HP: variants seen among roughly 807,000 people sequenced by gnomAD.
The protein encoded by HP is haptoglobin.
In HP, 9 loss-of-function variants were observed where a neutral mutation model predicts 23.2. That is an observed-to-expected ratio of 0.39 (90% CI 0.23 to 0.68). The LOEUF (loss-of-function observed/expected upper bound fraction) is 0.68, where lower values mean the gene tolerates loss of function less well. Ranked by LOEUF, HP falls within the 30% of genes least tolerant of loss-of-function variation. The pLI is 0.47. For missense variants in HP, 433 were observed against 483.6 expected (o/e 0.90, Z 0.98); for synonymous variants, 155 against 183.3 (o/e 0.85, Z 1.25).
chr16:72,056,181 C>A lies in HP; in HGVS notation c.26C>A (p.Ala9Asp), dbSNP rs1567583217. The change falls in exon 2 of 7, where the codon GCC (alanine) becomes GAC (aspartate). Residue 9 changes from alanine to aspartate, a missense_variant. Physicochemically the swap from Ala to Asp is moderately radical, Grantham distance 126. Around this residue, in one of 3 missense-constraint regions of HP, gnomAD observed 71 missense variants for 54.2 expected, o/e 1.31. Transcript: ENST00000355906. Reference protein sequence around the residue: MSALGAVIALLLWGQLFAV... With the variant: MSALGAVIDLLLWGQLFAV... ...TGCAGTGCCCTGGGAGCTGTCATTG[C>A]CCTCCTGCTCTGGGGACAGCTTTTT... 2 of 1,613,808 alleles carry A rather than the reference C, an allele frequency of 1.2e-6. No individual in the cohort carries two copies. Among genetic ancestry groups the A allele is most frequent in the Non-Finnish European group, 1.7e-6 (2 of 1,179,944 alleles).
intron 2 of HP, 118 bp downstream of exon 2, chr16:72,056,361 A>G: frequency 1.3e-6 from 2 of 1,563,076 alleles, no homozygotes. Context: ...CAGGACCATA[A>G]AGAACATTGG....
At position 72,057,556 on chromosome 16, in the gene HP, T is replaced by G. The variant is rs1181916354; in HGVS notation, c.265+90T>G. The G allele has an allele frequency of 1.7e-5, 9 of 538,462 alleles. 3 individuals carry two copies. In the East Asian group the frequency reaches 2.9e-4, roughly 17 times the overall value. 33.4% of individuals were successfully genotyped at this position (538,462 alleles called of 1,614,324 possible). A position where few individuals can be genotyped will look rare whatever the true frequency, so the allele number is the denominator to read the frequency against. ...CACAGCCTTCCAGTGCGGCTTCCTCTGAGCACACAAGAGCCAGGAGGAGGG... is the reference window on the plus strand; with the variant it reads ...CACAGCCTTCCAGTGCGGCTTCCTCGGAGCACACAAGAGCCAGGAGGAGGG... On this transcript the variant is annotated intron_variant, in intron 4 of 6. Transcript: ENST00000355906.
chr16:72,059,171 T>C lies in HP; in HGVS notation c.425T>C (p.Leu142Pro). Reference protein sequence around the residue: ...QWINKAVGDKLPECEAVCGKP... With the variant: ...QWINKAVGDKPPECEAVCGKP... ...ATAAATAAGGCTGTTGGAGATAAACTTCCTGAATGTGAAGCAGGTGGGTGC... is the reference window on the plus strand; with the variant it reads ...ATAAATAAGGCTGTTGGAGATAAACCTCCTGAATGTGAAGCAGGTGGGTGC... Residue 142 changes from leucine (L) to proline (P), a missense_variant, in exon 6 of 7, where the codon CTT (leucine) becomes CCT (proline). Physicochemically the swap from Leu to Pro is moderately conservative, Grantham distance 98 (BLOSUM62 -3). Around this residue, in one of 3 missense-constraint regions of HP, gnomAD observed 326 missense variants for 358.1 expected, o/e 0.91. Transcript: ENST00000355906. 2.6e-6 allele frequency: 4 copies of C among 1,565,290 alleles called. 1 individual carries two copies. The highest frequency in any genetic ancestry group is 3.5e-6 in the Non-Finnish European group (4 of 1,148,966).
Position 72,060,881 on chromosome 16 carries a change from T to C in HP, c.1212T>C (p.Ala404=). 6.3e-7 allele frequency: 1 copy of C among 1,581,088 alleles called. No homozygotes were observed. Among genetic ancestry groups the C allele is most frequent in the Non-Finnish European group, 8.6e-7 (1 of 1,164,232 alleles). The change falls in exon 7 of 7, where the codon GCT becomes GCC. Residue 404 remains alanine (A), a synonymous_variant. Coordinates refer to ENST00000355906, the MANE Select transcript of HP (RefSeq NM_005143.5). ...AGGACTGGGTTCAGAAGACCATAGCTGAGAACTAATGCAAGGCTGGCCGGA... is the reference window on the plus strand; with the variant it reads ...AGGACTGGGTTCAGAAGACCATAGCCGAGAACTAATGCAAGGCTGGCCGGA... ...SIQDWVQKTI[A]EN
chr16:72,055,638 G>C (rs556130513), intron 1 of HP: 1 of 180,056 alleles, frequency 5.6e-6, no homozygotes, highest in Non-Finnish European at 1.2e-5. Context: ...TAAAATACTA[G>C]AAATACCCAC....
Position 72,056,537 on chromosome 16 carries a change from C to T in HP, c.96C>T (p.Gly32=). 4 of 1,508,122 alleles carry T rather than the reference C, an allele frequency of 2.7e-6. No individual in the cohort carries two copies. Among genetic ancestry groups the T allele is most frequent in the Non-Finnish European group, 3.6e-6 (4 of 1,117,540 alleles). The allele number at this position is 1,508,122 out of a possible 1,614,324, so 93.4% of individuals were successfully genotyped here. A position where few individuals can be genotyped will look rare whatever the true frequency, so the allele number is the denominator to read the frequency against. ...GCTTCTCTCTCTTTGCAGATGACGG[C>T]TGCCCGAAGCCCCCCGAGATTGCAC... ...GNDVTDIADD[G]CPKPPEIAHG... is the part of the protein sequence containing the mutation. Residue 32 remains glycine, a synonymous_variant, in exon 3 of 7, where the codon GGC becomes GGT. Coordinates refer to ENST00000355906, the MANE Select transcript of HP (RefSeq NM_005143.5).
In HP at chr16:72,056,408, T is replaced by C. The variant is rs2041463712; in HGVS notation, c.89-122T>C. On this transcript the variant is annotated intron_variant, in intron 2 of 6. Transcript: ENST00000355906. ...GAAATGAGGGGAGCTTGCCTTTCCA[T>C]TGGCTTCTATTCGGGGTGGAAGGAG... The C allele has an allele frequency of 2.5e-6, 4 of 1,580,560 alleles. No individual in the cohort carries two copies. The South Asian group carries it at 3.4e-5, about 13-fold the overall frequency.
At chr16:72,055,076 T>C (rs979780317) in intron 1 of HP, 13 of 260,680 alleles carry the variant, frequency 5.0e-5, no homozygotes, top group African/African-American at 2.9e-4. Context: ...CTGGGATACA[T>C]CTAATTAAGG....
chr16:72,054,647 A>T lies in HP; in HGVS notation c.-6A>T, dbSNP rs1238876267. 6.2e-6 allele frequency: 10 copies of T among 1,611,698 alleles called. No homozygotes were observed. The South Asian group carries it at 1.1e-4, about 18-fold the overall frequency. On this transcript the variant is annotated 5_prime_UTR_variant, in exon 1 of 7. Coordinates refer to ENST00000355906, the MANE Select transcript of HP (RefSeq NM_005143.5). ...CACTGCTCTTCCAGAGGCAAGACCA[A>T]CCAAGATGAGGTGGGTCCACAGCTT...
rs374628695 is a variant in HP, at chr16:72,060,076, C to T, written c.443-36C>T. ...TTTCTCAGATGGAAAGGCTCTTGCA[C>T]ATTTCCACTCACGAGTGTCTTGCTC... On this transcript the variant is annotated intron_variant, in intron 6 of 6. Coordinates refer to ENST00000355906, the MANE Select transcript of HP (RefSeq NM_005143.5). 1.7e-5 allele frequency: 28 copies of T among 1,604,202 alleles called. 1 individual carries two copies. In the African/African-American group the frequency reaches 2.8e-4, roughly 16 times the overall value.
rs2041520923 is a variant in HP, at chr16:72,060,244, T to C, written c.575T>C (p.Ile192Thr). 7.4e-6 allele frequency: 12 copies of C among 1,614,046 alleles called. No homozygotes were observed. Among genetic ancestry groups the C allele is most frequent in the Non-Finnish European group, 9.3e-6 (11 of 1,180,054 alleles). ...HHNLTTGATL[I>T]NEQWLLTTAK... ...AATCTCACCACAGGTGCCACGCTGATCAATGAACAATGGCTGCTGACCACG... is the reference window on the plus strand; with the variant it reads ...AATCTCACCACAGGTGCCACGCTGACCAATGAACAATGGCTGCTGACCACG... Residue 192 changes from isoleucine (I) to threonine (T), a missense_variant, in exon 7 of 7, where the codon ATC becomes ACC. Physicochemically the swap from Ile to Thr is moderately conservative, Grantham distance 89. Around this residue, in one of 3 missense-constraint regions of HP, gnomAD observed 326 missense variants for 358.1 expected, o/e 0.91. Coordinates refer to ENST00000355906, the MANE Select transcript of HP (RefSeq NM_005143.5).
chr16:72,056,238 T>C lies in HP; in HGVS notation c.83T>C (p.Ile28Thr), dbSNP rs768495793. The change falls in exon 2 of 7, where the codon ATC becomes ACC. Residue 28 changes from isoleucine to threonine, a missense_variant. This residue lies in a region of HP where 71 missense variants were observed against 54.2 expected (regional missense o/e 1.31). Transcript: ENST00000355906. ...GACTCAGGCAATGATGTCACGGATA[T>C]CGCAGGTCAGTCTTTGGTTGGGTAG... ...AVDSGNDVTD[I>T]ADDGCPKPPE... The C allele has an allele frequency of 4.3e-6, 7 of 1,614,014 alleles. No homozygotes were observed. Among genetic ancestry groups the C allele is most frequent in the Non-Finnish European group, 5.9e-6 (7 of 1,179,938 alleles).
chr16:72,059,906 A>T, intron 6 of HP: 1 of 1,241,972 alleles, frequency 8.1e-7, no homozygotes, highest in Non-Finnish European at 1.1e-6. Context: ...AGTGGGAAAT[A>T]GAGCTTTTTG....
rs1273784452 is a variant in HP at position 72,060,217 on chromosome 16, A to G, written c.548A>G (p.His183Arg). ...TGGCAGGCTAAGATGGTTTCCCACC[A>G]TAATCTCACCACAGGTGCCACGCTG... ...FPWQAKMVSHHNLTTGATLIN... is the reference protein window; with the variant it reads ...FPWQAKMVSHRNLTTGATLIN... The change falls in exon 7 of 7, where the codon CAT (histidine) becomes CGT (arginine). Residue 183 changes from histidine to arginine, a missense_variant. By Grantham distance (29) the His-to-Arg change is conservative. This residue lies in a region of HP where 326 missense variants were observed against 358.1 expected (regional missense o/e 0.91). Coordinates refer to ENST00000355906, the MANE Select transcript of HP (RefSeq NM_005143.5). 1 of 1,614,206 alleles carries G rather than the reference A, an allele frequency of 6.2e-7. No homozygotes were observed. The highest frequency in any genetic ancestry group is 8.5e-7 in the Non-Finnish European group (1 of 1,180,052).
At position 72,060,914 on chromosome 16, in the gene HP, G is replaced by A; in HGVS notation, c.*24G>A. The A allele has an allele frequency of 6.5e-7, 1 of 1,542,858 alleles. No individual in the cohort carries two copies. The highest frequency in any genetic ancestry group is 1.4e-5 in the African/African-American group (1 of 72,798). On this transcript the variant is annotated 3_prime_UTR_variant, in exon 7 of 7. Transcript: ENST00000355906. ...AATGCAAGGCTGGCCGGAAGCCCTT[G>A]CCTGAAAGCAAGATTTCAGCCTGGA...
At position 72,059,096 on chromosome 16, in the gene HP, T is replaced by C; in HGVS notation, c.368-18T>C. The C allele has an allele frequency of 6.4e-7, 1 of 1,563,088 alleles. No individual in the cohort carries two copies. Among genetic ancestry groups the C allele is most frequent in the Non-Finnish European group, 8.7e-7 (1 of 1,146,730 alleles). On this transcript the variant is annotated intron_variant, in intron 5 of 6. Transcript: ENST00000355906. ...GACTTGACTTCTCCTTTGGCTCACT[T>C]CTTGCCTTTTGTTTCAGGAGTGTAC...
intron 4 of HP, chr16:72,057,871 T>G (rs1337633347): frequency 8.9e-6 from 3 of 337,922 alleles, no homozygotes; most frequent in Non-Finnish European, 1.1e-5. Context: ...TTCTCGTTAT[T>G]AGGAGGAGCT....
chr16:72,060,632 G>A lies in HP; in HGVS notation c.963G>A (p.Lys321=). 1 of 1,614,202 alleles carries A rather than the reference G, an allele frequency of 6.2e-7. No homozygotes were observed. The highest frequency in any genetic ancestry group is 8.5e-7 in the Non-Finnish European group (1 of 1,180,044). The change falls in exon 7 of 7, where the codon AAG becomes AAA. Residue 321 remains lysine (K), a synonymous_variant. Transcript: ENST00000355906. ...ATGAAGGCAGCACAGTCCCCGAAAA[G>A]AAGACACCGAAGAGCCCTGTAGGGG... ...RHYEGSTVPE[K]KTPKSPVGVQ...
chr16:72,056,197 A>T lies in HP; in HGVS notation c.42A>T (p.Gly14=), dbSNP rs765539753. 5.0e-6 allele frequency: 8 copies of T among 1,613,742 alleles called. No homozygotes were observed. In the South Asian group the frequency reaches 7.7e-5, roughly 16 times the overall value. Residue 14 remains glycine (G), a synonymous_variant, in exon 2 of 7, where the codon GGA becomes GGT. Coordinates refer to ENST00000355906, the MANE Select transcript of HP (RefSeq NM_005143.5). ...LGAVIALLLW[G]QLFAVDSGND... is the part of the protein sequence containing the mutation. ...CTGTCATTGCCCTCCTGCTCTGGGG[A>T]CAGCTTTTTGCAGTGGACTCAGGCA...
Sources: gnomAD v4.1 joint callset for allele counts on GRCh38, gnomAD v4.1.1 for gene constraint, gnomAD v4.1.1 regional missense constraint, MANE v1.5 for transcripts, NCBI Gene and HGNC (gene_info 2026-07-23, HGNC 2026-07-21) for gene names.